The following KANSL1L variants were observed in gnomAD, a reference collection of about 807,000 sequenced individuals.
KANSL1L encodes the protein KAT8 regulatory NSL complex subunit 1 like.
KANSL1L carries 25 observed loss-of-function variants against 108.6 expected under a neutral mutation model. The ratio of observed to expected loss-of-function variants is 0.23; its 90% confidence interval spans 0.17 to 0.32. The LOEUF is 0.32. Among genes scored for constraint, KANSL1L ranks in the 10% least tolerant of loss-of-function variants. The pLI, the probability that KANSL1L is intolerant of heterozygous loss-of-function variation, is 1.00. For missense variants in KANSL1L, 1,137 were observed against 1,125.7 expected, an observed-to-expected ratio of 1.01 and a Z score of -0.14; for synonymous variants, 405 against 395.1, an observed-to-expected ratio of 1.03 and a Z score of -0.30.
intron 14 of KANSL1L, 97 bp downstream of exon 14, chr2:210,023,936 T>G: frequency 1.3e-6 from 1 of 745,648 alleles, no homozygotes; most frequent in Non-Finnish European, 2.1e-6. Flanking sequence ...ATTTGTTATG[T>G]AATGATGTAA....
At chr2:210,148,868 A>G (rs1377802136) in intron 2 of KANSL1L, among the ~76,000 whole-genome samples, 1 of 152,116 alleles carries the variant, frequency 6.6e-6, no homozygotes, top group African/African-American at 2.4e-5. Context: ...AGGGCTACTA[A>G]CTCAAAGAAA....
At chr2:210,098,287 C>T in intron 4 of KANSL1L, 80 bp from the exon 5 acceptor site, 1 of 1,299,664 alleles carries the variant, frequency 7.7e-7, no homozygotes, top group African/African-American at 1.5e-5. Context: ...GCCAATTAAT[C>T]CTTAACTTCT....
chr2:210,107,280 G>A (rs555165136), intron 3 of KANSL1L, among the ~76,000 whole-genome samples: 23 of 151,968 alleles, frequency 1.5e-4, no homozygotes, highest in Non-Finnish European at 2.4e-4. Flanking sequence ...TTTAAAATGT[G>A]GAAGCCCCTA....
At chr2:210,117,621 T>G (rs1559571845) in intron 3 of KANSL1L, among the ~76,000 whole-genome samples, 1 of 152,080 alleles carries the variant, frequency 6.6e-6, no homozygotes. Flanking sequence ...GAAAAAAACT[T>G]TTATCCTAGA....
intron 6 of KANSL1L, among the ~76,000 whole-genome samples, chr2:210,061,822 TAGAA>T (rs1007079943): frequency 1.3e-5 from 2 of 152,114 alleles, no homozygotes; most frequent in Non-Finnish European, 2.9e-5. Context: ...GGGCTAGTCA[TAGAA>T]AGAAACAGTC....
intron 6 of KANSL1L, among the ~76,000 whole-genome samples, chr2:210,054,371 CTATTG>C (rs1327355649): frequency 1.7e-4 from 26 of 150,902 alleles, no homozygotes; most frequent in African/African-American, 5.3e-4. Context: ...CATTTTTTAC[CTATTG>C]TATTGGCAAA....
chr2:210,062,847 G>T (rs769557505), intron 6 of KANSL1L, among the ~76,000 whole-genome samples: 45 of 152,128 alleles, frequency 3.0e-4, no homozygotes, highest in Non-Finnish European at 1.2e-4. Context: ...AAACGTTGCA[G>T]CCTGACGATA....
chr2:210,062,017 TG>T (rs2094424950), intron 6 of KANSL1L, among the ~76,000 whole-genome samples: 1 of 152,200 alleles, frequency 6.6e-6, no homozygotes, highest in African/African-American at 2.4e-5. Flanking sequence ...CTAAGTAAAA[TG>T]GGGTATGAAT....
intron 6 of KANSL1L, among the ~76,000 whole-genome samples, chr2:210,069,054 C>T (rs549504028): frequency 6.6e-6 from 1 of 152,190 alleles, no homozygotes; most frequent in South Asian, 2.1e-4. Flanking sequence ...TCTTTCCTCT[C>T]ATATTCTACT....
intron 6 of KANSL1L, among the ~76,000 whole-genome samples, chr2:210,069,658 G>T (rs78370466): frequency 1.3e-5 from 2 of 152,032 alleles, no homozygotes; most frequent in African/African-American, 4.8e-5. Context: ...GGCTCTAGGG[G>T]AGAATCCTTC....
intron 6 of KANSL1L, among the ~76,000 whole-genome samples, chr2:210,062,683 T>C (rs1575452585): frequency 6.6e-6 from 1 of 152,198 alleles, no homozygotes; most frequent in East Asian, 1.9e-4. Flanking sequence ...GGTGGCATTT[T>C]GTCCCTGCCC....
At chr2:210,146,562 G>A (rs538776456) in intron 2 of KANSL1L, among the ~76,000 whole-genome samples, 2 of 152,182 alleles carry the variant, frequency 1.3e-5, no homozygotes, top group South Asian at 2.1e-4. Context: ...TTTAAATAAA[G>A]GTTATGTAGA....
rs769918446 is a variant in KANSL1L, at chr2:210,154,244, C to T, written c.339G>A (p.Leu113=). The T allele has an allele frequency of 1.2e-6, 2 of 1,613,976 alleles. No individual in the cohort carries two copies. The highest frequency in any genetic ancestry group is 2.2e-5 in the East Asian group (1 of 44,862). ...TGAGCTGAATGTTGCTGCCATTATA[C>T]AGTATGTTTTTCAGCTTATTGCAAC... ...EPSCNKLKNI[L]YNGSNIQLSK... Residue 113 remains leucine, a synonymous_variant, in exon 2 of 15, where the codon CTG becomes CTA. Coordinates refer to ENST00000281772, the MANE Select transcript of KANSL1L (RefSeq NM_152519.4).
intron 8 of KANSL1L, among the ~76,000 whole-genome samples, chr2:210,039,438 T>C (rs528749581): frequency 6.6e-6 from 1 of 152,040 alleles, no homozygotes; most frequent in Non-Finnish European, 1.5e-5. Context: ...CTAGTTACTA[T>C]TGGTACTTAT....
chr2:210,026,923 A>C (rs2093946141), intron 12 of KANSL1L, among the ~76,000 whole-genome samples: 1 of 151,954 alleles, frequency 6.6e-6, no homozygotes, highest in South Asian at 2.1e-4. Context: ...GGTGCCCACC[A>C]CCACGCCCGA....
At chr2:210,084,639 C>T (rs1020357418) in intron 5 of KANSL1L, among the ~76,000 whole-genome samples, 7 of 151,592 alleles carry the variant, frequency 4.6e-5, no homozygotes, top group South Asian at 2.1e-4. Context: ...TTTTGAGACA[C>T]AGTCTCACTT....
At chr2:210,167,533 C>T (rs557323608) in intron 1 of KANSL1L, among the ~76,000 whole-genome samples, 3 of 152,104 alleles carry the variant, frequency 2.0e-5, no homozygotes, top group Non-Finnish European at 4.4e-5. Context: ...TGTAGAAGTA[C>T]ACTATCACAT....
chr2:210,058,331 A>C (rs1361205009), intron 6 of KANSL1L, among the ~76,000 whole-genome samples: 5 of 152,096 alleles, frequency 3.3e-5, no homozygotes, highest in African/African-American at 1.2e-4. Context: ...TCTGCTCTCA[A>C]ACCCTGTCTC....
intron 5 of KANSL1L, among the ~76,000 whole-genome samples, chr2:210,083,808 C>A (rs1215792102): frequency 3.2e-5 from 4 of 125,518 alleles, no homozygotes; most frequent in Non-Finnish European, 4.7e-5. Context: ...CAGCCCTGGG[C>A]GACAGAGTGA....
Sources: gnomAD v4.1 joint callset for allele counts (sites outside exome capture counted in the v4.1 genomes callset) on GRCh38, gnomAD v4.1.1 for gene constraint, MANE v1.5 for transcripts, NCBI Gene and HGNC (gene_info 2026-07-23, HGNC 2026-07-21) for gene names.